Variants in EYS observed in about 807,000 individuals in gnomAD.
The protein encoded by EYS is protein eyes shut homolog.
In EYS, 250 loss-of-function variants were observed where a neutral mutation model predicts 282.1. The observed-to-expected ratio is 0.89, with a 90% confidence interval of 0.80 to 0.98. EYS has a LOEUF of 0.98. Among genes scored for constraint, EYS ranks in the 50% least tolerant of loss-of-function variants. The probability of loss-of-function intolerance (pLI) is 0.00; values close to 1 mark genes in which losing one functional copy is unlikely to be tolerated. For synonymous variants in EYS, 1,355 were observed against 1,282.9 expected (o/e 1.06, Z -1.20); for missense variants, 4,016 against 3,709.0 (o/e 1.08, Z -2.15).
At chr6:65,206,979 C>T (rs1207655189) in intron 12 of EYS, among the ~76,000 whole-genome samples, 1 of 151,738 alleles carries the variant, frequency 6.6e-6, no homozygotes. Context: ...AAAGGATGTT[C>T]CCTCTCAAAA....
intron 28 of EYS, among the ~76,000 whole-genome samples, chr6:64,403,389 C>T (rs1773600081): frequency 6.6e-6 from 1 of 151,974 alleles, no homozygotes; most frequent in Non-Finnish European, 1.5e-5. Flanking sequence ...TGGCGTCTCG[C>T]TCTGTCACCC....
intron 31 of EYS, among the ~76,000 whole-genome samples, chr6:64,125,147 A>ACACACTCTCT (rs1554209958): frequency 6.8e-6 from 1 of 147,154 alleles, no homozygotes. Context: ...ACACACACAC[A>ACACACTCTCT]CTCTCTGTCT....
At chr6:65,434,563 GC>G (rs1768004432) in intron 5 of EYS, among the ~76,000 whole-genome samples, 2 of 151,980 alleles carry the variant, frequency 1.3e-5, no homozygotes, top group South Asian at 4.1e-4. Flanking sequence ...CTTGTGATCG[GC>G]CCGCCTTGGC....
At chr6:64,963,986 T>C (rs1218190198) in intron 14 of EYS, among the ~76,000 whole-genome samples, 1 of 152,126 alleles carries the variant, frequency 6.6e-6, no homozygotes, top group Non-Finnish European at 1.5e-5. Flanking sequence ...TTTTAAGCAA[T>C]AGGGGTTAAT....
At chr6:64,314,670 C>A (rs757692477) in intron 29 of EYS, among the ~76,000 whole-genome samples, 32 of 152,094 alleles carry the variant, frequency 2.1e-4, no homozygotes, top group Non-Finnish European at 3.8e-4. Flanking sequence ...ACAACTTGCT[C>A]CTGAGTGACT....
intron 22 of EYS, among the ~76,000 whole-genome samples, chr6:64,666,808 A>G (rs1217455657): frequency 6.6e-6 from 1 of 151,914 alleles, no homozygotes; most frequent in South Asian, 2.1e-4. Context: ...TCTCCTCACA[A>G]CCTGATTCCA....
At chr6:65,208,269 G>A (rs1427871902) in intron 12 of EYS, among the ~76,000 whole-genome samples, 2 of 151,770 alleles carry the variant, frequency 1.3e-5, no homozygotes, top group Non-Finnish European at 3.0e-5. Flanking sequence ...ATACCAGTCA[G>A]AATGGGTATT....
At chr6:63,964,696 A>T (rs568108555) in intron 35 of EYS, among the ~76,000 whole-genome samples, 2 of 152,342 alleles carry the variant, frequency 1.3e-5, no homozygotes, top group East Asian at 3.9e-4. Context: ...AAATCAGAAC[A>T]CTGGATCCAA....
intron 26 of EYS, among the ~76,000 whole-genome samples, chr6:64,441,536 T>C (rs959494182): frequency 2.0e-5 from 3 of 152,160 alleles, no homozygotes; most frequent in Non-Finnish European, 4.4e-5. Context: ...GGAAGTGGTC[T>C]AGTCGGAGCA....
intron 31 of EYS, among the ~76,000 whole-genome samples, chr6:64,127,657 A>G (rs1399097433): frequency 1.3e-5 from 2 of 152,120 alleles, no homozygotes; most frequent in Non-Finnish European, 2.9e-5. Context: ...AAATAATGTA[A>G]GCTATACTTA....
At chr6:65,379,781 A>T (rs1765539589) in intron 8 of EYS, among the ~76,000 whole-genome samples, 2 of 151,986 alleles carry the variant, frequency 1.3e-5, no homozygotes, top group African/African-American at 4.8e-5. Context: ...TCAGGATACA[A>T]TATCAATGTG....
chr6:63,946,369 A>T (rs1562109224), intron 35 of EYS, among the ~76,000 whole-genome samples: 1 of 152,222 alleles, frequency 6.6e-6, no homozygotes, highest in Non-Finnish European at 1.5e-5. Flanking sequence ...TTGAAGAAAA[A>T]TAGTTCTTTA....
At chr6:64,496,210 A>C (rs1391478863) in intron 26 of EYS, among the ~76,000 whole-genome samples, 1 of 151,942 alleles carries the variant, frequency 6.6e-6, no homozygotes, top group Non-Finnish European at 1.5e-5. Context: ...AATATTTATA[A>C]ATACTGAATA....
intron 12 of EYS, among the ~76,000 whole-genome samples, chr6:65,153,363 ATGTGTGTGTGTGTGTGTGTGTGTGTG>A (rs67661407): frequency 7.4e-6 from 1 of 135,760 alleles, no homozygotes; most frequent in African/African-American, 2.7e-5. Flanking sequence ...GAGATCATAA[ATGTGTGTGTGTGTGTGTGTGTGTGTG>A]TGTGTGTGTG....
rs140890006 is a variant in EYS at position 63,805,220 on chromosome 6, T to A, written c.7411+970A>T. On this transcript the variant is annotated intron_variant, in intron 37 of 42. Coordinates refer to ENST00000503581, the MANE Select transcript of EYS (RefSeq NM_001142800.2). ...GAAGTTAGGTGATTAATTGCTTAAC[T>A]GTTGATTGCAGACTTAAAAGTAAAA... Among the ~76,000 whole-genome samples the A allele has an allele frequency of 9.2e-5, 14 of 152,380 alleles. No homozygotes were observed. In the East Asian group the frequency reaches 2.3e-3, roughly 25 times the overall value.
chr6:65,441,670 A>G (rs1282370879), intron 5 of EYS, among the ~76,000 whole-genome samples: 1 of 152,090 alleles, frequency 6.6e-6, no homozygotes, highest in Non-Finnish European at 1.5e-5. Flanking sequence ...GGAAATAGGT[A>G]AAGTAAGCAA....
rs149908773 is a variant in EYS, at chr6:65,684,468, C to T, written c.-448+22667G>A. ...ACCCGCCAGCACCTTCTTTCTCAAACAATGTTTGCTGAGCTGCAGAAATGT... is the reference window on the plus strand; with the variant it reads ...ACCCGCCAGCACCTTCTTTCTCAAATAATGTTTGCTGAGCTGCAGAAATGT... On this transcript the variant is annotated intron_variant, in intron 1 of 42. Coordinates refer to ENST00000503581, the MANE Select transcript of EYS (RefSeq NM_001142800.2). Among the ~76,000 whole-genome samples the T allele has an allele frequency of 3.3e-5, 5 of 152,094 alleles. No individual in the cohort carries two copies. In the East Asian group the frequency reaches 9.7e-4, roughly 30 times the overall value.
At chr6:63,852,928 C>T (rs1772297532) in intron 36 of EYS, among the ~76,000 whole-genome samples, 1 of 152,182 alleles carries the variant, frequency 6.6e-6, no homozygotes, top group East Asian at 1.9e-4. Flanking sequence ...TGATAAAATT[C>T]AACACCCCTT....
intron 12 of EYS, among the ~76,000 whole-genome samples, chr6:65,282,164 A>ATGG (rs1268728292): frequency 1.3e-5 from 2 of 151,956 alleles, no homozygotes; most frequent in African/African-American, 4.8e-5. Context: ...ATGGCACAGC[A>ATGG]TGGTGAATAT....
Sources: allele counts gnomAD v4.1 joint callset (sites outside exome capture counted in the v4.1 genomes callset), GRCh38; gene constraint gnomAD v4.1.1; transcripts MANE v1.5; gene names NCBI Gene and HGNC (gene_info 2026-07-23, HGNC 2026-07-21).